The following MYRIP variants were observed in gnomAD, a reference collection of about 807,000 sequenced individuals.
MYRIP encodes rab effector MyRIP.
In MYRIP, 49 loss-of-function variants were observed where a neutral mutation model predicts 98.0. The ratio of observed to expected loss-of-function variants is 0.50; its 90% CI spans 0.40 to 0.63. MYRIP has a LOEUF of 0.63. MYRIP is among the 30% of genes least tolerant of loss of function. MYRIP has a pLI of 0.00. For missense variants in MYRIP, 1,004 were observed against 1,058.2 expected (o/e 0.95, Z 0.71); for synonymous variants, 404 against 409.5 (o/e 0.99, Z 0.16).
At chr3:39,859,721 A>G (rs1460248512) in intron 1 of MYRIP, among the ~76,000 whole-genome samples, 1 of 152,264 alleles carries the variant, frequency 6.6e-6, no homozygotes, top group African/African-American at 2.4e-5. Flanking sequence ...TTCAACATAT[A>G]CAAATCAGTA....
At chr3:40,059,244 C>T (rs995507054) in intron 3 of MYRIP, among the ~76,000 whole-genome samples, 11 of 152,180 alleles carry the variant, frequency 7.2e-5, no homozygotes, top group African/African-American at 2.4e-4. Context: ...AATAAACTTA[C>T]GTTTGCATGT....
chr3:40,193,916 C>T (rs1313713155), intron 10 of MYRIP, among the ~76,000 whole-genome samples: 2 of 151,894 alleles, frequency 1.3e-5, no homozygotes, highest in Non-Finnish European at 2.9e-5. Context: ...TTTTATTGGA[C>T]TATTTGTCTT....
At chr3:40,031,898 G>C (rs1354002767) in intron 2 of MYRIP, among the ~76,000 whole-genome samples, 2 of 151,806 alleles carry the variant, frequency 1.3e-5, no homozygotes, top group East Asian at 3.9e-4. Flanking sequence ...TATTAGTCTT[G>C]CTAGCCGTCT....
At chr3:39,812,829 C>A (rs1030111831) in intron 1 of MYRIP, among the ~76,000 whole-genome samples, 1 of 152,248 alleles carries the variant, frequency 6.6e-6, no homozygotes, top group Non-Finnish European at 1.5e-5. Flanking sequence ...AACAATCCAA[C>A]AACTCAGTAT....
intron 1 of MYRIP, among the ~76,000 whole-genome samples, chr3:39,832,840 A>G (rs1183812011): frequency 1.3e-5 from 2 of 152,334 alleles, no homozygotes; most frequent in East Asian, 3.9e-4. Flanking sequence ...AGGAATATGT[A>G]TCTTTATGTT....
chr3:40,190,521 C>A (rs2125630519), intron 10 of MYRIP, 58 bp downstream of exon 10: 4 of 1,518,178 alleles, frequency 2.6e-6, no homozygotes, highest in South Asian at 2.7e-5. Context: ...ATGTGCCCTA[C>A]TCCAAGCACA....
At chr3:40,226,540 T>C (rs1559465017) in intron 11 of MYRIP, among the ~76,000 whole-genome samples, 1 of 152,196 alleles carries the variant, frequency 6.6e-6, no homozygotes, top group Non-Finnish European at 1.5e-5. Context: ...CATGTGGCAG[T>C]CAGAATTACC....
intron 1 of MYRIP, among the ~76,000 whole-genome samples, chr3:39,840,245 G>C (rs1034698783): frequency 3.3e-5 from 5 of 152,194 alleles, no homozygotes; most frequent in Non-Finnish European, 7.4e-5. Flanking sequence ...TGTCATTTTT[G>C]ATCTTTATTG....
chr3:40,160,493 A>C (rs1950360186), intron 4 of MYRIP, among the ~76,000 whole-genome samples: 1 of 152,174 alleles, frequency 6.6e-6, no homozygotes. Context: ...AGAGGCAGGC[A>C]GGCCTCCTTG....
chr3:39,974,205 A>T (rs951975483), intron 2 of MYRIP, among the ~76,000 whole-genome samples: 1 of 152,194 alleles, frequency 6.6e-6, no homozygotes, highest in East Asian at 1.9e-4. Context: ...GCAATAAAAA[A>T]TGATAAAGGG....
intron 2 of MYRIP, among the ~76,000 whole-genome samples, chr3:40,032,060 A>C: frequency 6.6e-6 from 1 of 151,878 alleles, no homozygotes; most frequent in Non-Finnish European, 1.5e-5. Context: ...TTGCTTTTCT[A>C]GTTCTTTTAA....
chr3:39,973,328 G>A (rs1945649196), intron 2 of MYRIP, among the ~76,000 whole-genome samples: 1 of 152,012 alleles, frequency 6.6e-6, no homozygotes, highest in South Asian at 2.1e-4. Context: ...ATGGTAAAGG[G>A]ATCAATTCAA....
intron 2 of MYRIP, among the ~76,000 whole-genome samples, chr3:39,914,783 G>T (rs1944113498): frequency 6.6e-6 from 1 of 152,010 alleles, no homozygotes; most frequent in African/African-American, 2.4e-5. Context: ...ACTCACTGGA[G>T]TCCTGATAAA....
At chr3:40,023,146 C>T (rs1947035756) in intron 2 of MYRIP, among the ~76,000 whole-genome samples, 1 of 152,048 alleles carries the variant, frequency 6.6e-6, no homozygotes, top group African/African-American at 2.4e-5. Flanking sequence ...AAGAGAAAGC[C>T]AGGTGGCTTT....
chr3:40,250,480 G>C lies in MYRIP; in HGVS notation c.2409G>C (p.Leu803=), dbSNP rs201012785. ...CATCAAGGCAGCAAAGGAGGAAACT[G>C]CCTGCTCCACCGGTGAAAGGTATGC... ...IDTSRQQRRK[L]PAPPVKAEKI... The change falls in exon 15 of 17, where the codon CTG becomes CTC. Residue 803 remains leucine (L), a synonymous_variant. Transcript: ENST00000302541. 6.2e-7 allele frequency: 1 copy of C among 1,614,212 alleles called. No homozygotes were observed. Among genetic ancestry groups the C allele is most frequent in the Non-Finnish European group, 8.5e-7 (1 of 1,180,024 alleles).
At chr3:39,939,370 A>G (rs1039167157) in intron 2 of MYRIP, among the ~76,000 whole-genome samples, 4 of 152,150 alleles carry the variant, frequency 2.6e-5, no homozygotes. Context: ...TAGCTCTTGA[A>G]AAGGATACAC....
intron 2 of MYRIP, among the ~76,000 whole-genome samples, chr3:39,993,166 G>A (rs781507699): frequency 6.6e-6 from 1 of 152,134 alleles, no homozygotes; most frequent in Admixed American, 6.6e-5. Context: ...CAAAAGAAAG[G>A]CAAGAAAGAG....
intron 2 of MYRIP, among the ~76,000 whole-genome samples, chr3:40,013,724 A>G (rs1383971433): frequency 6.6e-6 from 1 of 152,200 alleles, no homozygotes; most frequent in South Asian, 2.1e-4. Context: ...TGGAGGGATG[A>G]TGGCTGCCTG....
At chr3:39,915,412 C>CA (rs1944129445) in intron 2 of MYRIP, among the ~76,000 whole-genome samples, 1 of 151,846 alleles carries the variant, frequency 6.6e-6, no homozygotes, top group Admixed American at 6.6e-5. Flanking sequence ...AAAATTCACT[C>CA]AAAAAATTAT....
Sources: allele counts gnomAD v4.1 joint callset (sites outside exome capture counted in the v4.1 genomes callset), GRCh38; gene constraint gnomAD v4.1.1; transcripts MANE v1.5; gene names NCBI Gene and HGNC (gene_info 2026-07-23, HGNC 2026-07-21).